NUMB: variants seen among roughly 807,000 people sequenced by gnomAD.
The protein encoded by NUMB is protein numb homolog.
A neutral mutation model predicts 59.7 loss-of-function variants in NUMB; 29 were observed. The ratio of observed to expected loss-of-function variants is 0.49; its 90% CI spans 0.36 to 0.66. The LOEUF is 0.66. Ranked by LOEUF, NUMB falls within the 30% of genes least tolerant of loss-of-function variation. The pLI, the probability that NUMB is intolerant of heterozygous loss-of-function variation, is 0.00. For synonymous variants in NUMB, 288 were observed against 288.2 expected (o/e 1.00, Z 0.01); for missense variants, 723 against 822.0 (o/e 0.88, Z 1.47).
intron 2 of NUMB, among the ~76,000 whole-genome samples, chr14:73,370,043 T>C (rs1397450677): frequency 6.6e-6 from 1 of 152,212 alleles, no homozygotes; most frequent in East Asian, 1.9e-4. Flanking sequence ...ATCCATACTC[T>C]TGTGCTTGCA....
chr14:73,405,740 C>T lies in NUMB; in HGVS notation c.-101+4197G>A, dbSNP rs117372101. ...AAGGAAGGGAACCTTTCTCTCCATCCTGTGGAGCCGTGCCTCCAAGTGGGC... is the reference window on the plus strand; with the variant it reads ...AAGGAAGGGAACCTTTCTCTCCATCTTGTGGAGCCGTGCCTCCAAGTGGGC... On this transcript the variant is annotated intron_variant, in intron 2 of 12. Coordinates refer to ENST00000555238, the MANE Select transcript of NUMB (RefSeq NM_001005743.2). Among the ~76,000 whole-genome samples the T allele has an allele frequency of 6.8e-3, 1,040 of 152,166 alleles. 5 individuals carry two copies. The highest frequency in any genetic ancestry group is 0.03 in the South Asian group (144 of 4,816).
intron 1 of NUMB, among the ~76,000 whole-genome samples, chr14:73,423,441 C>T (rs1191551269): frequency 1.3e-5 from 2 of 151,728 alleles, no homozygotes; most frequent in African/African-American, 2.4e-5. Context: ...GAGTTGTAGA[C>T]CAGCCTGGCA....
chr14:73,365,337 G>A (rs1018947807), intron 3 of NUMB, among the ~76,000 whole-genome samples: 1 of 151,962 alleles, frequency 6.6e-6, no homozygotes, highest in Non-Finnish European at 1.5e-5. Flanking sequence ...CATCATGCCT[G>A]GCCATCTTAT....
intron 2 of NUMB, among the ~76,000 whole-genome samples, chr14:73,381,878 C>G (rs775117888): frequency 6.6e-6 from 1 of 151,082 alleles, no homozygotes; most frequent in Non-Finnish European, 1.5e-5. Context: ...GAAGACAGGC[C>G]AAAATACCAG....
chr14:73,333,850 A>G (rs934934612), intron 4 of NUMB, among the ~76,000 whole-genome samples: 1 of 150,832 alleles, frequency 6.6e-6, no homozygotes, highest in Non-Finnish European at 1.5e-5. Flanking sequence ...GAAGAATTGT[A>G]TGGTTTTAGA....
At chr14:73,293,552 C>T (rs989947963) in intron 7 of NUMB, among the ~76,000 whole-genome samples, 47 of 152,092 alleles carry the variant, frequency 3.1e-4, no homozygotes, top group African/African-American at 9.9e-4. Context: ...CCACCACGCC[C>T]GGCTAATTTT....
rs1323995394 is a variant in NUMB, at chr14:73,299,600, GATATGACATATATATGTCATATA to G, written c.235-2338_235-2316del. On this transcript the variant is annotated intron_variant, in intron 6 of 12. Coordinates refer to ENST00000555238, the MANE Select transcript of NUMB (RefSeq NM_001005743.2). ...ATGACATATGTCATGTCATATATAT[GATATGACATATATATGTCATATA>G]ATATGACATATCTCCTAGCGGTTCT... is the stretch of plus-strand genomic sequence containing the variant. 1.4e-3 allele frequency among the ~76,000 whole-genome samples: 214 copies of G among 148,482 alleles called. 2 individuals carry two copies. Among genetic ancestry groups the G allele is most frequent in the African/African-American group, 4.8e-3 (190 of 39,484 alleles).
chr14:73,425,288 GA>G (rs1342329039), intron 1 of NUMB, among the ~76,000 whole-genome samples: 1 of 152,032 alleles, frequency 6.6e-6, no homozygotes, highest in African/African-American at 2.4e-5. Flanking sequence ...CTGTTACATT[GA>G]AAAAAATTGC....
At chr14:73,370,773 G>C (rs1256255278) in intron 2 of NUMB, among the ~76,000 whole-genome samples, 1 of 151,348 alleles carries the variant, frequency 6.6e-6, no homozygotes, top group Non-Finnish European at 1.5e-5. Context: ...CATTTCCTTT[G>C]CTACTTTACT....
In NUMB at chr14:73,354,633, C is replaced by T. The variant is rs1353730664; in HGVS notation, c.126+993G>A. ...CTGAAGTCAGGAGTTCAAGGCCAGCCTGGCCAACATGGTGAAAAACCCCAT... is the reference window on the plus strand; with the variant it reads ...CTGAAGTCAGGAGTTCAAGGCCAGCTTGGCCAACATGGTGAAAAACCCCAT... On this transcript the variant is annotated intron_variant, in intron 4 of 12. Coordinates refer to ENST00000555238, the MANE Select transcript of NUMB (RefSeq NM_001005743.2). 2.0e-5 allele frequency among the ~76,000 whole-genome samples: 3 copies of T among 151,500 alleles called. No homozygotes were observed. In the East Asian group the frequency reaches 5.8e-4, roughly 29 times the overall value.
chr14:73,391,269 A>G (rs952215154), intron 2 of NUMB, among the ~76,000 whole-genome samples: 7 of 150,706 alleles, frequency 4.6e-5, no homozygotes, highest in African/African-American at 1.5e-4. Flanking sequence ...AATCCTTTTC[A>G]GTGGATTTTT....
chr14:73,401,964 C>A (rs1002571633), intron 2 of NUMB, among the ~76,000 whole-genome samples: 59 of 152,218 alleles, frequency 3.9e-4, no homozygotes, highest in African/African-American at 1.3e-3. Flanking sequence ...TGGGCTCAAG[C>A]AATCTTCCTG....
intron 5 of NUMB, among the ~76,000 whole-genome samples, chr14:73,320,928 G>A (rs569268086): frequency 6.6e-6 from 1 of 150,434 alleles, no homozygotes; most frequent in Non-Finnish European, 1.5e-5. Context: ...TTTAAAACTA[G>A]ATAGTTAAAT....
At chr14:73,330,874 G>T (rs1451425506) in intron 4 of NUMB, among the ~76,000 whole-genome samples, 1 of 152,166 alleles carries the variant, frequency 6.6e-6, no homozygotes, top group Admixed American at 6.5e-5. Context: ...CAGGCTGTCT[G>T]CAAGCTGGAA....
intron 1 of NUMB, among the ~76,000 whole-genome samples, chr14:73,423,485 T>C (rs1477370179): frequency 1.3e-5 from 2 of 151,612 alleles, no homozygotes; most frequent in African/African-American, 4.8e-5. Flanking sequence ...TACTAAAAAA[T>C]ACAAAAATCA....
At chr14:73,412,797 T>C (rs926518997) in intron 1 of NUMB, among the ~76,000 whole-genome samples, 2 of 152,104 alleles carry the variant, frequency 1.3e-5, no homozygotes, top group Admixed American at 6.5e-5. Flanking sequence ...GTCTGGCCAA[T>C]TCTTCTTATT....
intron 2 of NUMB, among the ~76,000 whole-genome samples, chr14:73,406,705 C>A (rs1896688601): frequency 2.0e-5 from 3 of 152,128 alleles, no homozygotes. Context: ...TTTACACTCC[C>A]ACCAACAGTG....
At chr14:73,351,662 C>T (rs899085889) in intron 4 of NUMB, among the ~76,000 whole-genome samples, 7 of 151,946 alleles carry the variant, frequency 4.6e-5, no homozygotes, top group East Asian at 3.9e-4. Flanking sequence ...TACTTAATAC[C>T]GTTGAACTGT....
At chr14:73,397,080 C>T (rs1896174426) in intron 2 of NUMB, among the ~76,000 whole-genome samples, 1 of 152,092 alleles carries the variant, frequency 6.6e-6, no homozygotes. Context: ...GCTGAAATCG[C>T]ACCACTGCAC....
Sources: allele counts gnomAD v4.1 joint callset (sites outside exome capture counted in the v4.1 genomes callset), GRCh38; gene constraint gnomAD v4.1.1; transcripts MANE v1.5; gene names NCBI Gene and HGNC (gene_info 2026-07-23, HGNC 2026-07-21).